NEK4: variants seen among roughly 807,000 people sequenced by gnomAD.
The protein encoded by NEK4 is NIMA related kinase 4, also known as serine/threonine-protein kinase Nek4.
A neutral mutation model predicts 98.4 loss-of-function variants in NEK4; 86 were observed. The observed-to-expected ratio is 0.87, with a 90% CI of 0.73 to 1.05. NEK4 has a LOEUF of 1.05. Among genes scored for constraint, NEK4 ranks in the 50% least tolerant of loss-of-function variants. The probability of loss-of-function intolerance (pLI) is 0.00; values close to 1 mark genes in which losing one functional copy is unlikely to be tolerated. For missense variants in NEK4, 898 were observed against 950.3 expected (o/e 0.94, Z 0.72); for synonymous variants, 328 against 342.2 (o/e 0.96, Z 0.46).
intron 15 of NEK4, among the ~76,000 whole-genome samples, chr3:52,713,760 C>CT: frequency 7.3e-6 from 1 of 137,658 alleles, no homozygotes; most frequent in Admixed American, 7.7e-5. Flanking sequence ...CACCATTGCA[C>CT]TCTAGCCTGG....
chr3:52,762,812 C>T lies in NEK4; in HGVS notation c.821+658G>A, dbSNP rs530254903. Among the ~76,000 whole-genome samples, 346 of 151,976 alleles carry T rather than the reference C, an allele frequency of 2.3e-3. 1 individual carries two copies. The highest frequency in any genetic ancestry group is 7.7e-3 in the African/African-American group (318 of 41,424). On this transcript the variant is annotated intron_variant, in intron 5 of 15. Transcript: ENST00000233027. ...AGGAGAATTGCTTGAACCCGGGAGGCGGAGGTTGCAGTGAGCTGAGATCAT... is the reference window on the plus strand; with the variant it reads ...AGGAGAATTGCTTGAACCCGGGAGGTGGAGGTTGCAGTGAGCTGAGATCAT...
At chr3:52,723,343 G>C (rs1428334916) in intron 15 of NEK4, among the ~76,000 whole-genome samples, 1 of 152,150 alleles carries the variant, frequency 6.6e-6, no homozygotes, top group East Asian at 1.9e-4. Context: ...CATCTCCCGG[G>C]TTCAAGCGAT....
At chr3:52,769,469 ACAATT>A (rs1373592717) in intron 1 of NEK4, among the ~76,000 whole-genome samples, 6 of 152,230 alleles carry the variant, frequency 3.9e-5, no homozygotes, top group Admixed American at 2.6e-4. Context: ...CAAAGACCAT[ACAATT>A]CATTTCTTCA....
At chr3:52,764,861 C>G (rs1698496197) in intron 4 of NEK4, among the ~76,000 whole-genome samples, 1 of 151,958 alleles carries the variant, frequency 6.6e-6, no homozygotes, top group African/African-American at 2.4e-5. Context: ...TACCAATTTG[C>G]TAGCAATGGT....
chr3:52,747,019 G>A (rs2097397385), intron 8 of NEK4, 115 bp from the exon 9 acceptor site: 1 of 769,514 alleles, frequency 1.3e-6, no homozygotes, highest in African/African-American at 1.8e-5. Context: ...ACTTTCCTCA[G>A]TTTTAAAAAC....
chr3:52,714,873 T>C (rs1451644764), intron 15 of NEK4, among the ~76,000 whole-genome samples: 6 of 152,192 alleles, frequency 3.9e-5, no homozygotes, highest in Non-Finnish European at 7.4e-5. Context: ...GTGCGCATGT[T>C]TGGGGCAGCA....
In NEK4 at chr3:52,766,381, G is replaced by A. The variant is rs375921235; in HGVS notation, c.361-6C>T. ...ATGTGTTTTTCATGTAAATACTGAGGAAAGAAACAAGATTTTATTACATAT... is the reference window on the plus strand; with the variant it reads ...ATGTGTTTTTCATGTAAATACTGAGAAAAGAAACAAGATTTTATTACATAT... On this transcript the variant is annotated splice_polypyrimidine_tract_variant and splice_region_variant and intron_variant, in intron 2 of 15. Coordinates refer to ENST00000233027, the MANE Select transcript of NEK4 (RefSeq NM_003157.6). The A allele has an allele frequency of 3.8e-5, 61 of 1,598,876 alleles. No homozygotes were observed. The highest frequency in any genetic ancestry group is 5.0e-5 in the Admixed American group (3 of 59,918).
At chr3:52,756,675 C>A (rs2097415644) in intron 6 of NEK4, among the ~76,000 whole-genome samples, 1 of 152,108 alleles carries the variant, frequency 6.6e-6, no homozygotes, top group African/African-American at 2.4e-5. Flanking sequence ...AAGGCAAAGG[C>A]TTCACAACAT....
intron 15 of NEK4, among the ~76,000 whole-genome samples, chr3:52,713,023 G>A (rs1054560918): frequency 2.0e-5 from 3 of 152,132 alleles, no homozygotes; most frequent in Admixed American, 2.0e-4. Context: ...AGATCTGAGG[G>A]TGGAGCCCTA....
At chr3:52,769,073 G>C (rs183029591) in intron 1 of NEK4, among the ~76,000 whole-genome samples, 14 of 152,058 alleles carry the variant, frequency 9.2e-5, no homozygotes, top group Admixed American at 7.2e-4. Flanking sequence ...ACAAAAATTA[G>C]CCCGGCGTGG....
intron 6 of NEK4, among the ~76,000 whole-genome samples, chr3:52,757,283 A>G (rs1434025439): frequency 6.6e-6 from 1 of 152,148 alleles, no homozygotes; most frequent in Non-Finnish European, 1.5e-5. Flanking sequence ...CTTAGCTGGG[A>G]GCAGAGGCTC....
intron 6 of NEK4, among the ~76,000 whole-genome samples, chr3:52,756,979 C>G (rs919572880): frequency 2.6e-5 from 4 of 152,042 alleles, no homozygotes; most frequent in African/African-American, 9.7e-5. Context: ...TAGCAAACGG[C>G]CAATAAGCAC....
intron 6 of NEK4, among the ~76,000 whole-genome samples, chr3:52,757,062 C>T (rs2097416332): frequency 6.6e-6 from 1 of 152,104 alleles, no homozygotes; most frequent in African/African-American, 2.4e-5. Flanking sequence ...CACCTCATGC[C>T]CATTAGGATG....
At chr3:52,743,877 C>A (rs898207684) in intron 11 of NEK4, among the ~76,000 whole-genome samples, 1 of 152,184 alleles carries the variant, frequency 6.6e-6, no homozygotes. Flanking sequence ...GCACCACTCC[C>A]CAAGCAACCT....
chr3:52,730,191 TG>T (rs1236028114), intron 15 of NEK4, among the ~76,000 whole-genome samples: 1 of 152,176 alleles, frequency 6.6e-6, no homozygotes. Flanking sequence ...CTAGATGAAA[TG>T]GACACATTCC....
chr3:52,768,156 G>A (rs934080142), intron 2 of NEK4, among the ~76,000 whole-genome samples, 182 bp downstream of exon 2: 4 of 152,158 alleles, frequency 2.6e-5, no homozygotes, highest in African/African-American at 4.8e-5. Context: ...TTTTAATATA[G>A]GTATCACTTA....
chr3:52,762,912 A>T (rs1441126530), intron 5 of NEK4, among the ~76,000 whole-genome samples: 4 of 152,208 alleles, frequency 2.6e-5, no homozygotes. Flanking sequence ...AGTAAGTGCA[A>T]GAAGGGCACT....
At chr3:52,742,984 T>C (rs1461027818) in intron 12 of NEK4, among the ~76,000 whole-genome samples, 1 of 152,042 alleles carries the variant, frequency 6.6e-6, no homozygotes, top group Non-Finnish European at 1.5e-5. Context: ...AGGGTCCAAC[T>C]ATATTGCCCA....
intron 8 of NEK4, among the ~76,000 whole-genome samples, chr3:52,749,303 T>C (rs971600040): frequency 3.3e-5 from 5 of 151,638 alleles, no homozygotes; most frequent in African/African-American, 1.2e-4. Context: ...CAGCTAATTT[T>C]TGTATTTTTA....
Sources: allele counts gnomAD v4.1 joint callset (sites outside exome capture counted in the v4.1 genomes callset), GRCh38; gene constraint gnomAD v4.1.1; transcripts MANE v1.5; gene names NCBI Gene and HGNC (gene_info 2026-07-23, HGNC 2026-07-21).